KIF1B: variants seen among roughly 807,000 people sequenced by gnomAD.
KIF1B encodes the protein kinesin-like protein KIF1B.
Under a neutral mutation model 241.9 loss-of-function variants are expected in KIF1B, and 76 were observed. The observed-to-expected ratio is 0.31, with a 90% CI of 0.26 to 0.38. The LOEUF (loss-of-function observed/expected upper bound fraction) is 0.38, where lower values mean the gene tolerates loss of function less well. KIF1B is among the 10% of genes least tolerant of loss of function. The pLI, the probability that KIF1B is intolerant of heterozygous loss-of-function variation, is 1.00. For synonymous variants in KIF1B, 750 were observed against 796.7 expected, an observed-to-expected ratio of 0.94 and a Z score of 0.99; for missense variants, 1,622 against 2,271.4, an observed-to-expected ratio of 0.71 and a Z score of 5.81.
At chr1:10,256,121 A>G (rs1647766569) in intron 2 of KIF1B, 126 bp from the exon 3 acceptor site, 10 of 697,980 alleles carry the variant, frequency 1.4e-5, no homozygotes, top group South Asian at 1.4e-4. Flanking sequence ...TTAATTTTTG[A>G]TTGCCCTATT....
rs747882891 is a variant in KIF1B, at chr1:10,303,789, C to A, written c.2115+6543C>A. ...TGATCGGATCTCAGGAACAGAAAAGCCCAGGAAGCCACAAAGCAAAGGAGC... is the reference window on the plus strand; with the variant it reads ...TGATCGGATCTCAGGAACAGAAAAGACCAGGAAGCCACAAAGCAAAGGAGC... On this transcript the variant is annotated intron_variant, in intron 22 of 48. Coordinates refer to ENST00000676179, the MANE Select transcript of KIF1B (RefSeq NM_001365951.3). The surrounding 1 kb of genome is among the most constrained non-coding windows in gnomAD (Gnocchi z 5.2). 6.2e-7 allele frequency: 1 copy of A among 1,614,108 alleles called. No homozygotes were observed.
rs946637643 is a variant in KIF1B at position 10,309,714 on chromosome 1, A to G, written c.2116-10329A>G. Reference sequence around the variant, plus strand: ...TTCTATTCTTGACCCCTATAATCCAATGTCCACATAGCAACCAAGATCATC... The same window carrying G: ...TTCTATTCTTGACCCCTATAATCCAGTGTCCACATAGCAACCAAGATCATC... On this transcript the variant is annotated intron_variant, in intron 22 of 48. Transcript: ENST00000676179. Among the ~76,000 whole-genome samples, 6 of 151,520 alleles carry G rather than the reference A, an allele frequency of 4.0e-5. 1 individual carries two copies. In the South Asian group the frequency reaches 6.2e-4, roughly 16 times the overall value.
intron 22 of KIF1B, among the ~76,000 whole-genome samples, chr1:10,312,433 A>G (rs574301143): frequency 3.0e-4 from 45 of 151,432 alleles, no homozygotes; most frequent in Admixed American, 2.2e-3. Context: ...CCCACAGAGA[A>G]TAATGTTTTT....
intron 1 of KIF1B, among the ~76,000 whole-genome samples, chr1:10,217,345 T>TTTC (rs201031225): frequency 3.3e-5 from 4 of 122,800 alleles, no homozygotes; most frequent in African/African-American, 5.7e-5. Flanking sequence ...TTCTTTTTCT[T>TTTC]TTTTTTTTTT....
intron 44 of KIF1B, among the ~76,000 whole-genome samples, chr1:10,369,335 T>A (rs1307022789): frequency 6.6e-6 from 1 of 152,242 alleles, no homozygotes; most frequent in African/African-American, 2.4e-5. Context: ...ATACCACTTA[T>A]ATTAATTCAG....
chr1:10,331,618 C>T (rs1468425787), intron 27 of KIF1B, among the ~76,000 whole-genome samples: 4 of 152,178 alleles, frequency 2.6e-5, no homozygotes, highest in Non-Finnish European at 5.9e-5. Context: ...ATCCCAAATA[C>T]CCAGTCTATC....
chr1:10,287,622 A>T (rs778871438), intron 15 of KIF1B, among the ~76,000 whole-genome samples: 3 of 152,212 alleles, frequency 2.0e-5, no homozygotes, highest in Non-Finnish European at 4.4e-5. Context: ...GTTGTACCTT[A>T]CTCATTAAAT....
chr1:10,302,292 C>A (rs1347771287), intron 22 of KIF1B, among the ~76,000 whole-genome samples: 1 of 151,898 alleles, frequency 6.6e-6, no homozygotes, highest in Admixed American at 6.6e-5. Flanking sequence ...CAAAACACAC[C>A]CACTATGAGG....
At chr1:10,289,317 A>G (rs1239413928) in intron 15 of KIF1B, among the ~76,000 whole-genome samples, 3 of 152,122 alleles carry the variant, frequency 2.0e-5, no homozygotes, top group African/African-American at 7.2e-5. Context: ...CTCCTACTGT[A>G]TTCGTTCTCA....
At chr1:10,273,986 G>T (rs932122352) in intron 10 of KIF1B, among the ~76,000 whole-genome samples, 2 of 148,486 alleles carry the variant, frequency 1.3e-5, no homozygotes, top group African/African-American at 2.5e-5. Context: ...GCCCAGGCTG[G>T]GGTACAGTGG....
At chr1:10,342,273 A>G in intron 33 of KIF1B, 105 bp downstream of exon 33, 1 of 807,674 alleles carries the variant, frequency 1.2e-6, no homozygotes, top group Non-Finnish European at 2.2e-6. Flanking sequence ...TAACTAAATA[A>G]GTATTCTATA....
chr1:10,303,999 AAAG>A lies in KIF1B; in HGVS notation c.2115+6754_2115+6756del. 4 of 1,608,560 alleles carry A rather than the reference AAAG, an allele frequency of 2.5e-6. No homozygotes were observed. The highest frequency in any genetic ancestry group is 2.2e-5 in the South Asian group (2 of 90,396). On this transcript the variant is annotated intron_variant, in intron 22 of 48. Transcript: ENST00000676179. This position sits in a 1 kb window ranked among gnomAD's most constrained non-coding sequence, Gnocchi z 5.2. ...AGAACTTGCAACAGCAGGAGATAAC[AAAG>A]CAGCTTCGTCGGCAGAATGTACCTC...
chr1:10,343,843 T>C (rs1652490234), intron 34 of KIF1B, among the ~76,000 whole-genome samples: 1 of 152,192 alleles, frequency 6.6e-6, no homozygotes, highest in Non-Finnish European at 1.5e-5. Context: ...ACAAACTCTC[T>C]GGTCTTCTAT....
intron 22 of KIF1B, among the ~76,000 whole-genome samples, chr1:10,300,704 A>G (rs933116302): frequency 1.3e-5 from 2 of 152,210 alleles, no homozygotes; most frequent in Admixed American, 6.5e-5. Flanking sequence ...GTTCTGTAAA[A>G]TTCAGTTTAT....
At chr1:10,364,404 TA>T (rs1345432521) in intron 41 of KIF1B, among the ~76,000 whole-genome samples, 1 of 151,664 alleles carries the variant, frequency 6.6e-6, no homozygotes, top group Admixed American at 6.6e-5. Flanking sequence ...GGGGTTTCAC[TA>T]TGTTGGCCAG....
In KIF1B at chr1:10,324,797, A is replaced by C. The variant is rs1215985560; in HGVS notation, c.2577A>C (p.Ala859=). ...TGATGCGAGAGATGTATGATAGGGC[A>C]GGGGAGATGGCCTCCAGTGCCCAAG... ...LDLMREMYDR[A]GEMASSAQDE... The change falls in exon 26 of 49, where the codon GCA becomes GCC. Residue 859 remains alanine, a synonymous_variant. Coordinates refer to ENST00000676179, the MANE Select transcript of KIF1B (RefSeq NM_001365951.3). 1 of 1,614,180 alleles carries C rather than the reference A, an allele frequency of 6.2e-7. No individual in the cohort carries two copies.
Position 10,296,925 on chromosome 1 carries a change from T to G in KIF1B, c.1890T>G (p.His630Gln). 1 of 1,614,100 alleles carries G rather than the reference T, an allele frequency of 6.2e-7. No individual in the cohort carries two copies. The highest frequency in any genetic ancestry group is 8.5e-7 in the Non-Finnish European group (1 of 1,180,006). Reference protein sequence around the residue: ...SGNRIIMGKNHVFRFNHPEQA... With the variant: ...SGNRIIMGKNQVFRFNHPEQA... Reference sequence around the variant, plus strand: ...ACCGTATCATCATGGGTAAAAACCATGTTTTCCGCTTTAACCACCCGGAAC... The same window carrying G: ...ACCGTATCATCATGGGTAAAAACCAGGTTTTCCGCTTTAACCACCCGGAAC... The change falls in exon 21 of 49, where the codon CAT becomes CAG. Residue 630 changes from histidine to glutamine, a missense_variant. Physicochemically the swap from His to Gln is conservative, Grantham distance 24 (BLOSUM62 0). This residue lies in a region of KIF1B where 803 missense variants were observed against 1,112.0 expected (regional missense o/e 0.72). Transcript: ENST00000676179.
chr1:10,279,689 CTTTTTTTTTTTTTT>C (rs34983973), intron 14 of KIF1B, among the ~76,000 whole-genome samples: 5 of 67,658 alleles, frequency 7.4e-5, no homozygotes, highest in African/African-American at 3.1e-4. Context: ...ACGTTTTTTC[CTTTTTTTTTTTTTT>C]TTTTTTTTTT....
In KIF1B at chr1:10,242,654, T is replaced by A. The variant is rs574695691; in HGVS notation, c.106+10220T>A. On this transcript the variant is annotated intron_variant, in intron 2 of 48. Transcript: ENST00000676179. Reference sequence around the variant, plus strand: ...GCCTAAGCCTCCCAAGTAGCTGGGATTACAGATGCCCACCACCATGCCCAG... The same window carrying A: ...GCCTAAGCCTCCCAAGTAGCTGGGAATACAGATGCCCACCACCATGCCCAG... 1.2e-4 allele frequency among the ~76,000 whole-genome samples: 18 copies of A among 152,190 alleles called. No individual in the cohort carries two copies. In the East Asian group the frequency reaches 3.5e-3, roughly 29 times the overall value.
Sources: allele counts gnomAD v4.1 joint callset (sites outside exome capture counted in the v4.1 genomes callset), GRCh38; gene constraint gnomAD v4.1.1; regional missense constraint gnomAD v4.1.1; non-coding constraint Gnocchi (gnomAD v3.1); transcripts MANE v1.5; gene names NCBI Gene and HGNC (gene_info 2026-07-23, HGNC 2026-07-21).